The following TMOD2 variants were observed in gnomAD, a reference collection of about 807,000 sequenced individuals.
TMOD2 encodes tropomodulin 2.
A neutral mutation model predicts 39.9 loss-of-function variants in TMOD2; 22 were observed. The observed-to-expected ratio is 0.55, with a 90% CI of 0.39 to 0.79. The LOEUF is 0.79. Among genes scored for constraint, TMOD2 ranks in the 30% least tolerant of loss-of-function variants. TMOD2 has a pLI of 0.00. For synonymous variants in TMOD2, 123 were observed against 146.1 expected, an observed-to-expected ratio of 0.84 and a Z score of 1.14; for missense variants, 386 against 413.3, an observed-to-expected ratio of 0.93 and a Z score of 0.57.
At chr15:51,779,711 C>T (rs1196078511) in intron 5 of TMOD2, among the ~76,000 whole-genome samples, 1 of 151,494 alleles carries the variant, frequency 6.6e-6, no homozygotes, top group Non-Finnish European at 1.5e-5. Context: ...GACAGGGTCT[C>T]ATTCTGTTGC....
chr15:51,796,054 G>A (rs1403831048), intron 7 of TMOD2, among the ~76,000 whole-genome samples: 1 of 150,816 alleles, frequency 6.6e-6, no homozygotes, highest in East Asian at 2.0e-4. Context: ...CATGATGTTG[G>A]TTTTCTTAAA....
rs910277166 is a variant in TMOD2, at chr15:51,814,735, C to T, written c.*6281C>T. Reference sequence around the variant, plus strand: ...AAATGAAGTGAGTAGATTCAATGCTCCCTAAGGTCCCTTCCAGCTCCAATA... The same window carrying T: ...AAATGAAGTGAGTAGATTCAATGCTTCCTAAGGTCCCTTCCAGCTCCAATA... On this transcript the variant is annotated 3_prime_UTR_variant, in exon 10 of 10. Coordinates refer to ENST00000249700, the MANE Select transcript of TMOD2 (RefSeq NM_014548.4). 1 of 152,186 alleles carries T rather than the reference C, an allele frequency of 6.6e-6. No homozygotes were observed. Among genetic ancestry groups the T allele is most frequent in the African/African-American group, 2.4e-5 (1 of 41,434 alleles). The allele number at this position is 152,186 out of a possible 1,614,324, so 9.4% of individuals were successfully genotyped here.
At chr15:51,790,138 A>G (rs2056000572) in intron 7 of TMOD2, among the ~76,000 whole-genome samples, 1 of 152,210 alleles carries the variant, frequency 6.6e-6, no homozygotes. Context: ...AAGAGAGAAG[A>G]ATCAAATAGA....
At chr15:51,757,401 CAAAAAAAA>C (rs3078133) in intron 1 of TMOD2, among the ~76,000 whole-genome samples, 1 of 81,906 alleles carries the variant, frequency 1.2e-5, no homozygotes. Context: ...GACTCCGTCT[CAAAAAAAA>C]AAAAAAAAAA....
rs2056140053 is a variant in TMOD2, at chr15:51,809,181, A to G, written c.*727A>G. On this transcript the variant is annotated 3_prime_UTR_variant, in exon 10 of 10. Coordinates refer to ENST00000249700, the MANE Select transcript of TMOD2 (RefSeq NM_014548.4). ...CTATTCAACATAAATTGAATCTTTA[A>G]CATGACTTTAAAGGCTATTTACAAA... is the stretch of plus-strand genomic sequence containing the variant. The G allele has an allele frequency of 6.5e-6, 1 of 152,676 alleles. No individual in the cohort carries two copies. Among genetic ancestry groups the G allele is most frequent in the South Asian group, 2.1e-4 (1 of 4,834 alleles). 9.5% of individuals were successfully genotyped at this position (152,676 alleles called of 1,614,324 possible).
At chr15:51,780,433 C>T (rs987849275) in intron 5 of TMOD2, among the ~76,000 whole-genome samples, 1 of 152,068 alleles carries the variant, frequency 6.6e-6, no homozygotes, top group Non-Finnish European at 1.5e-5. Context: ...TTCTTCTGAG[C>T]GTATTATTGG....
intron 8 of TMOD2, among the ~76,000 whole-genome samples, chr15:51,799,366 G>T (rs919010823): frequency 7.4e-4 from 112 of 152,144 alleles, no homozygotes; most frequent in African/African-American, 2.6e-3. Flanking sequence ...TGATAAAGCC[G>T]CAGAGTGCCA....
At chr15:51,770,746 C>T (rs1278712770) in intron 3 of TMOD2, among the ~76,000 whole-genome samples, 2 of 151,918 alleles carry the variant, frequency 1.3e-5, no homozygotes, top group African/African-American at 4.8e-5. Flanking sequence ...TCAGGATTGC[C>T]ATGAGCTATG....
chr15:51,759,637 T>C (rs2141612725), intron 1 of TMOD2, among the ~76,000 whole-genome samples: 1 of 152,336 alleles, frequency 6.6e-6, no homozygotes, highest in Admixed American at 6.5e-5. Context: ...TCTGTGGTCC[T>C]GCAGAACTGG....
At chr15:51,806,733 G>T (rs1852754187) in intron 9 of TMOD2, among the ~76,000 whole-genome samples, 3 of 152,174 alleles carry the variant, frequency 2.0e-5, no homozygotes, top group South Asian at 2.1e-4. Context: ...CAAAAAAGAA[G>T]TTTGTTCTAT....
At position 51,809,476 on chromosome 15, in the gene TMOD2, C is replaced by T. The variant is rs2056142112; in HGVS notation, c.*1022C>T. On this transcript the variant is annotated 3_prime_UTR_variant, in exon 10 of 10. Coordinates refer to ENST00000249700, the MANE Select transcript of TMOD2 (RefSeq NM_014548.4). ...GATCCATCCAGACATTTGCAAACGTCAGGAGAAAAATGTGAATTATTTATC... is the reference window on the plus strand; with the variant it reads ...GATCCATCCAGACATTTGCAAACGTTAGGAGAAAAATGTGAATTATTTATC... 1 of 152,320 alleles carries T rather than the reference C, an allele frequency of 6.6e-6. No homozygotes were observed. The highest frequency in any genetic ancestry group is 2.4e-5 in the African/African-American group (1 of 41,440). 9.4% of individuals were successfully genotyped at this position (152,320 alleles called of 1,614,324 possible). A position where few individuals can be genotyped will look rare whatever the true frequency, so the allele number is the denominator to read the frequency against.
rs1194705675 is a variant in TMOD2, at chr15:51,808,755, C to G, written c.*301C>G. 1 of 270,390 alleles carries G rather than the reference C, an allele frequency of 3.7e-6. No individual in the cohort carries two copies. The highest frequency in any genetic ancestry group is 5.1e-5 in the Admixed American group (1 of 19,438). 16.7% of individuals were successfully genotyped at this position (270,390 alleles called of 1,614,324 possible). A position where few individuals can be genotyped will look rare whatever the true frequency, so the allele number is the denominator to read the frequency against. On this transcript the variant is annotated 3_prime_UTR_variant, in exon 10 of 10. Transcript: ENST00000249700. ...CTTTCTTATTGGGTTGTCTTGCTTTCTTACATGAACTTGTTTTTTTAATCA... is the reference window on the plus strand; with the variant it reads ...CTTTCTTATTGGGTTGTCTTGCTTTGTTACATGAACTTGTTTTTTTAATCA...
At chr15:51,778,159 A>G (rs1283934629) in intron 5 of TMOD2, among the ~76,000 whole-genome samples, 1 of 151,912 alleles carries the variant, frequency 6.6e-6, no homozygotes, top group East Asian at 1.9e-4. Flanking sequence ...ATGCAGCCAT[A>G]AAAAATGATG....
chr15:51,809,327 T>A lies in TMOD2; in HGVS notation c.*873T>A, dbSNP rs1258622293. ...TTGTATCTTAATCAAGGCTGTCTGA[T>A]GCAGATGATTGCATTTTTTGGCAAA... On this transcript the variant is annotated 3_prime_UTR_variant, in exon 10 of 10. Transcript: ENST00000249700. 6.5e-6 allele frequency: 1 copy of A among 152,698 alleles called. No individual in the cohort carries two copies. Among genetic ancestry groups the A allele is most frequent in the Non-Finnish European group, 1.5e-5 (1 of 68,052 alleles). 9.5% of individuals were successfully genotyped at this position (152,698 alleles called of 1,614,324 possible). A position where few individuals can be genotyped will look rare whatever the true frequency, so the allele number is the denominator to read the frequency against.
At chr15:51,780,697 G>T (rs1227555884) in intron 5 of TMOD2, among the ~76,000 whole-genome samples, 1 of 152,218 alleles carries the variant, frequency 6.6e-6, no homozygotes, top group East Asian at 1.9e-4. Flanking sequence ...TTGTATCTCA[G>T]ATCCTGTAGT....
rs1944558003 is a variant in TMOD2, at chr15:51,811,959, A to G, written c.*3505A>G. On this transcript the variant is annotated 3_prime_UTR_variant, in exon 10 of 10. Transcript: ENST00000249700. ...ATTTGCCTAATGTATTTAACATTCCATCCTCATCAACATGATGAAGCCCCT... is the reference window on the plus strand; with the variant it reads ...ATTTGCCTAATGTATTTAACATTCCGTCCTCATCAACATGATGAAGCCCCT... 6.6e-6 allele frequency: 1 copy of G among 152,220 alleles called. No individual in the cohort carries two copies. The highest frequency in any genetic ancestry group is 6.5e-5 in the Admixed American group (1 of 15,284). The allele number at this position is 152,220 out of a possible 1,614,324, so 9.4% of individuals were successfully genotyped here.
intron 7 of TMOD2, among the ~76,000 whole-genome samples, chr15:51,792,633 G>C (rs534908662): frequency 2.0e-5 from 3 of 152,174 alleles, no homozygotes; most frequent in Admixed American, 6.5e-5. Flanking sequence ...ATCAATGATA[G>C]ACTGGATAAA....
chr15:51,780,504 A>C (rs762081470), intron 5 of TMOD2, among the ~76,000 whole-genome samples: 16 of 152,136 alleles, frequency 1.1e-4, no homozygotes, highest in Admixed American at 3.3e-4. Context: ...TGGGATATTA[A>C]TCCTTTGTAT....
intron 7 of TMOD2, among the ~76,000 whole-genome samples, chr15:51,792,576 G>A (rs1027488767): frequency 6.6e-6 from 1 of 152,044 alleles, no homozygotes. Context: ...TATGTTTATC[G>A]CGGCACTATT....
Sources: allele counts gnomAD v4.1 joint callset (sites outside exome capture counted in the v4.1 genomes callset), GRCh38; gene constraint gnomAD v4.1.1; transcripts MANE v1.5; gene names NCBI Gene and HGNC (gene_info 2026-07-23, HGNC 2026-07-21).